The following NAV3 variants were observed in gnomAD, a reference collection of about 807,000 sequenced individuals.
The protein encoded by NAV3 is neuron navigator 3.
A neutral mutation model predicts 244.7 loss-of-function variants in NAV3; 87 were observed. The ratio of observed to expected loss-of-function variants is 0.36; its 90% CI spans 0.30 to 0.42. The LOEUF (loss-of-function observed/expected upper bound fraction) is 0.42, where lower values mean the gene tolerates loss of function less well. Among genes scored for constraint, NAV3 ranks in the 20% least tolerant of loss-of-function variants. The probability of loss-of-function intolerance (pLI) is 1.00; values close to 1 mark genes in which losing one functional copy is unlikely to be tolerated. For missense variants in NAV3, 2,663 were observed against 2,893.3 expected, an observed-to-expected ratio of 0.92 and a Z score of 1.83; for synonymous variants, 1,126 against 1,042.2, an observed-to-expected ratio of 1.08 and a Z score of -1.55.
At chr12:77,920,225 A>C (rs1373763986) in intron 1 of NAV3, among the ~76,000 whole-genome samples, 3 of 152,084 alleles carry the variant, frequency 2.0e-5, no homozygotes, top group Non-Finnish European at 4.4e-5. Context: ...GAGTCACATT[A>C]GTGTGTTCTA....
chr12:77,580,422 C>G (rs1261753683), intron 2 of NAV3, among the ~76,000 whole-genome samples: 4 of 152,158 alleles, frequency 2.6e-5, no homozygotes, highest in African/African-American at 4.8e-5. Flanking sequence ...TGGAGAGAGT[C>G]AGAGGGAGAA....
At position 77,614,074 on chromosome 12, in the gene NAV3, CTTTTTTTT is replaced by C. The variant is rs71440485; in HGVS notation, c.72+41828_72+41835del. Among the ~76,000 whole-genome samples, 118 of 95,676 alleles carry C rather than the reference CTTTTTTTT, an allele frequency of 1.2e-3. 1 individual carries two copies. The highest frequency in any genetic ancestry group is 6.9e-3 in the Middle Eastern group (1 of 144). 62.8% of individuals were successfully genotyped at this position (95,676 alleles called of 152,430 possible). ...GACTTTGCCTTTCTTTTCTTTCTCT[CTTTTTTTT>C]TTTTTTTTTTTTTTTTTTTAACACA... is the stretch of plus-strand genomic sequence containing the variant. On this transcript the variant is annotated intron_variant, in intron 2 of 8. Coordinates refer to the NAV3 transcript ENST00000550042.
chr12:77,578,577 A>G (rs1297047672), intron 2 of NAV3, among the ~76,000 whole-genome samples: 1 of 152,212 alleles, frequency 6.6e-6, no homozygotes, highest in African/African-American at 2.4e-5. Flanking sequence ...TATTTGTTTC[A>G]GTCAGCTAAT....
rs2139731316 is a variant in NAV3, at chr12:78,180,863, C to T, written c.5518-8C>T. On this transcript the variant is annotated splice_polypyrimidine_tract_variant and splice_region_variant and intron_variant, in intron 29 of 39. Transcript: ENST00000397909. ...CAGTTTTTTTCATGTTTTCCATCTT[C>T]ATAACAGAATGAAATTGAAATACTG... 1 of 1,608,570 alleles carries T rather than the reference C, an allele frequency of 6.2e-7. No individual in the cohort carries two copies. Among genetic ancestry groups the T allele is most frequent in the East Asian group, 2.2e-5 (1 of 44,468 alleles).
intron 9 of NAV3, among the ~76,000 whole-genome samples, chr12:78,047,563 C>A (rs1285680193): frequency 1.3e-5 from 2 of 152,174 alleles, no homozygotes; most frequent in African/African-American, 2.4e-5. Flanking sequence ...TTTAGGGTTT[C>A]TGCAGAGAGA....
At chr12:77,749,581 T>C (rs891063318) in intron 2 of NAV3, among the ~76,000 whole-genome samples, 2 of 152,198 alleles carry the variant, frequency 1.3e-5, no homozygotes, top group African/African-American at 4.8e-5. Flanking sequence ...TATAGCTTGA[T>C]AACAAATATT....
At chr12:77,593,997 T>C (rs1171962547) in intron 2 of NAV3, among the ~76,000 whole-genome samples, 1 of 152,184 alleles carries the variant, frequency 6.6e-6, no homozygotes, top group Non-Finnish European at 1.5e-5. Context: ...CTTTTGAACT[T>C]AATTTTACTT....
intron 5 of NAV3, among the ~76,000 whole-genome samples, chr12:77,990,147 A>G (rs148674513): frequency 6.1e-4 from 51 of 83,232 alleles, no homozygotes; most frequent in African/African-American, 3.3e-3. Context: ...CAGAAAGCCA[A>G]TCACTAAAAT....
chr12:77,578,752 G>T (rs1003067912), intron 2 of NAV3, among the ~76,000 whole-genome samples: 1 of 151,958 alleles, frequency 6.6e-6, no homozygotes, highest in Non-Finnish European at 1.5e-5. Flanking sequence ...AAATAAACAG[G>T]CAATTTATGG....
intron 2 of NAV3, among the ~76,000 whole-genome samples, chr12:77,757,003 T>A (rs1869214835): frequency 1.3e-5 from 2 of 152,184 alleles, no homozygotes; most frequent in African/African-American, 4.8e-5. Flanking sequence ...ACCTTTTACC[T>A]CTATTAGGTG....
At chr12:77,953,013 A>C (rs1170244817) in intron 3 of NAV3, among the ~76,000 whole-genome samples, 1 of 152,156 alleles carries the variant, frequency 6.6e-6, no homozygotes, top group African/African-American at 2.4e-5. Flanking sequence ...TAAAAGCAGA[A>C]ATTTATTAAA....
At chr12:77,801,999 G>A (rs895346531) in intron 2 of NAV3, among the ~76,000 whole-genome samples, 1 of 152,084 alleles carries the variant, frequency 6.6e-6, no homozygotes, top group African/African-American at 2.4e-5. Flanking sequence ...TTTGATGAAT[G>A]AACGAATAAA....
At chr12:77,722,923 A>T (rs151180458) in intron 2 of NAV3, among the ~76,000 whole-genome samples, 328 of 152,154 alleles carry the variant, frequency 2.2e-3, no homozygotes, top group African/African-American at 7.5e-3. Context: ...CTTGGCACAA[A>T]CCTCAGTAAA....
intron 2 of NAV3, among the ~76,000 whole-genome samples, chr12:77,679,742 GAC>G (rs1565768719): frequency 6.6e-6 from 1 of 152,170 alleles, no homozygotes; most frequent in African/African-American, 2.4e-5. Context: ...AGTGGGAAAA[GAC>G]AGCGTCAGAA....
intron 2 of NAV3, among the ~76,000 whole-genome samples, chr12:77,676,563 T>TTA (rs1219059884): frequency 6.6e-6 from 1 of 151,428 alleles, no homozygotes; most frequent in Non-Finnish European, 1.5e-5. Flanking sequence ...TAAAGCCTTT[T>TTA]TTTTTTTTTA....
At position 78,211,161 on chromosome 12, in the gene NAV3, G is replaced by C. The variant is rs1026502654; in HGVS notation, c.*644G>C. On this transcript the variant is annotated 3_prime_UTR_variant, in exon 40 of 40. Transcript: ENST00000397909. ...GCTCCACCAACTTTTTAGTATATGAGTCACTGGTTTTATAAGGTTGTTTTT... is the reference window on the plus strand; with the variant it reads ...GCTCCACCAACTTTTTAGTATATGACTCACTGGTTTTATAAGGTTGTTTTT... 2 of 152,624 alleles carry C rather than the reference G, an allele frequency of 1.3e-5. No homozygotes were observed. The highest frequency in any genetic ancestry group is 2.9e-5 in the Non-Finnish European group (2 of 68,064). The allele number at this position is 152,624 out of a possible 1,614,324, so 9.5% of individuals were successfully genotyped here. A position where few individuals can be genotyped will look rare whatever the true frequency, so the allele number is the denominator to read the frequency against.
intron 3 of NAV3, among the ~76,000 whole-genome samples, chr12:77,946,146 C>CAT (rs1330039605): frequency 6.8e-6 from 1 of 146,252 alleles, no homozygotes; most frequent in Non-Finnish European, 1.5e-5. Context: ...CATATATGTA[C>CAT]ATATATACAT....
At chr12:78,016,512 C>T (rs1042472402) in intron 8 of NAV3, among the ~76,000 whole-genome samples, 1 of 152,148 alleles carries the variant, frequency 6.6e-6, no homozygotes, top group African/African-American at 2.4e-5. Context: ...CCACACTAGA[C>T]TTCTGTTCAA....
intron 2 of NAV3, among the ~76,000 whole-genome samples, chr12:77,695,618 A>G (rs534084034): frequency 1.3e-5 from 2 of 152,268 alleles, no homozygotes; most frequent in South Asian, 4.1e-4. Flanking sequence ...TGTATGGTAC[A>G]AAATACGATG....
Sources: gnomAD v4.1 joint callset for allele counts (sites outside exome capture counted in the v4.1 genomes callset) on GRCh38, gnomAD v4.1.1 for gene constraint, MANE v1.5 for transcripts, NCBI Gene and HGNC (gene_info 2026-07-23, HGNC 2026-07-21) for gene names.